Variants in ASIC2 observed in about 807,000 individuals in gnomAD.
ASIC2 encodes the protein acid sensing ion channel subunit 2.
A neutral mutation model predicts 57.3 loss-of-function variants in ASIC2; 25 were observed. That is an observed-to-expected ratio of 0.44 (90% confidence interval 0.32 to 0.61). ASIC2 has a LOEUF of 0.61. Ranked by LOEUF, ASIC2 falls within the 20% of genes least tolerant of loss-of-function variation. The pLI, the probability that ASIC2 is intolerant of heterozygous loss-of-function variation, is 0.06. For synonymous variants in ASIC2, 319 were observed against 307.5 expected, an observed-to-expected ratio of 1.04 and a Z score of -0.39; for missense variants, 641 against 738.1, an observed-to-expected ratio of 0.87 and a Z score of 1.52.
chr17:33,664,407 T>A (rs1907402920), intron 1 of ASIC2, among the ~76,000 whole-genome samples: 1 of 152,248 alleles, frequency 6.6e-6, no homozygotes, highest in African/African-American at 2.4e-5. Context: ...TTCGTGTGAT[T>A]CCTTGGCTTA....
intron 1 of ASIC2, among the ~76,000 whole-genome samples, chr17:33,482,726 C>T (rs1913446651): frequency 6.6e-6 from 1 of 152,156 alleles, no homozygotes; most frequent in Admixed American, 6.5e-5. Context: ...CAGCTGTGCC[C>T]TTGTTCTGCA....
intron 1 of ASIC2, among the ~76,000 whole-genome samples, chr17:34,027,885 A>T (rs1907437760): frequency 6.6e-6 from 1 of 152,180 alleles, no homozygotes; most frequent in South Asian, 2.1e-4. Context: ...TTTTGAAAGG[A>T]GGTACAGATT....
intron 1 of ASIC2, among the ~76,000 whole-genome samples, chr17:34,119,890 C>T (rs927661301): frequency 6.6e-6 from 1 of 152,156 alleles, no homozygotes; most frequent in Non-Finnish European, 1.5e-5. Context: ...GTATATTATC[C>T]AATTAATAGA....
At chr17:33,506,238 CAAAAAAAAA>C (rs533194191) in intron 1 of ASIC2, among the ~76,000 whole-genome samples, 2 of 114,138 alleles carry the variant, frequency 1.8e-5, no homozygotes, top group African/African-American at 3.2e-5. Context: ...ACTAAAAATA[CAAAAAAAAA>C]AAAAAAAAAG....
chr17:33,294,117 G>A (rs998748398), upstream of ASIC2, among the ~76,000 whole-genome samples: 11 of 152,118 alleles, frequency 7.2e-5, no homozygotes, highest in African/African-American at 2.4e-4. Context: ...GGTGGGAAGG[G>A]GGAGTAGGAC....
chr17:33,192,868 A>AT (rs921047648), intron 1 of ASIC2, among the ~76,000 whole-genome samples: 8 of 152,204 alleles, frequency 5.3e-5, no homozygotes, highest in Non-Finnish European at 8.8e-5. Flanking sequence ...AAAAATACAC[A>AT]TTTTTTTCCG....
intron 1 of ASIC2, among the ~76,000 whole-genome samples, chr17:34,026,996 A>G (rs1045659258): frequency 2.4e-4 from 36 of 152,338 alleles, no homozygotes; most frequent in African/African-American, 8.7e-4. Flanking sequence ...ATTTAACAAA[A>G]TTACCCAGGA....
chr17:33,436,849 ACTTC>A (rs1911627372), intron 1 of ASIC2, among the ~76,000 whole-genome samples: 1 of 76,394 alleles, frequency 1.3e-5, no homozygotes, highest in Non-Finnish European at 2.6e-5. Context: ...ACACATTCCA[ACTTC>A]TTTTTTTTTT....
At chr17:34,151,221 C>A (rs941111721) in intron 1 of ASIC2, among the ~76,000 whole-genome samples, 2 of 152,030 alleles carry the variant, frequency 1.3e-5, no homozygotes, top group Admixed American at 1.3e-4. Flanking sequence ...ATGCCTGGGT[C>A]ATGGTATTTC....
chr17:34,016,113 T>C (rs1234645687), intron 1 of ASIC2, among the ~76,000 whole-genome samples: 2 of 152,206 alleles, frequency 1.3e-5, no homozygotes, highest in African/African-American at 4.8e-5. Flanking sequence ...CATATGTATA[T>C]TCAGGATTAG....
At chr17:33,327,660 G>A (rs1907130816) in intron 1 of ASIC2, among the ~76,000 whole-genome samples, 1 of 152,142 alleles carries the variant, frequency 6.6e-6, no homozygotes, top group African/African-American at 2.4e-5. Context: ...AGAAATATAG[G>A]ATGCCAAAGT....
chr17:33,385,199 G>A (rs992894075), intron 1 of ASIC2, among the ~76,000 whole-genome samples: 1 of 152,194 alleles, frequency 6.6e-6, no homozygotes, highest in African/African-American at 2.4e-5. Flanking sequence ...CTAATACTCT[G>A]CTGTGAGTAT....
At chr17:33,574,826 G>T (rs904149215) in intron 1 of ASIC2, among the ~76,000 whole-genome samples, 6 of 150,502 alleles carry the variant, frequency 4.0e-5, no homozygotes, top group Admixed American at 4.0e-4. Context: ...TGTCTGAAGA[G>T]CTAGTTTGGG....
intron 3 of ASIC2, among the ~76,000 whole-genome samples, chr17:33,056,708 C>A (rs965156305): frequency 2.6e-5 from 4 of 152,144 alleles, no homozygotes; most frequent in Non-Finnish European, 5.9e-5. Context: ...AATTAATGAG[C>A]AGAATAGGCT....
intron 1 of ASIC2, among the ~76,000 whole-genome samples, chr17:33,483,557 G>A (rs549711130): frequency 3.3e-5 from 5 of 152,276 alleles, no homozygotes; most frequent in South Asian, 2.1e-4. Flanking sequence ...GCTCATACAC[G>A]TTACTAAACC....
chr17:33,935,219 A>G (rs1480385980), intron 1 of ASIC2, among the ~76,000 whole-genome samples: 1 of 152,118 alleles, frequency 6.6e-6, no homozygotes, highest in Non-Finnish European at 1.5e-5. Flanking sequence ...CAAACCTCCT[A>G]GTCATCCTTT....
At chr17:33,889,869 C>T (rs1441243272) in intron 1 of ASIC2, among the ~76,000 whole-genome samples, 3 of 152,312 alleles carry the variant, frequency 2.0e-5, no homozygotes, top group Non-Finnish European at 4.4e-5. Flanking sequence ...TTCTGGAGCT[C>T]ACCACCTCAT....
At chr17:33,055,233 C>T (rs2091993115) in intron 3 of ASIC2, among the ~76,000 whole-genome samples, 1 of 152,204 alleles carries the variant, frequency 6.6e-6, no homozygotes, top group Admixed American at 6.5e-5. Context: ...CCGATTTGGC[C>T]CTGATGGCTG....
chr17:33,294,306 C>T (rs774295429), upstream of ASIC2, among the ~76,000 whole-genome samples: 7 of 152,220 alleles, frequency 4.6e-5, no homozygotes, highest in African/African-American at 7.2e-5. Context: ...GGAAGAAGGA[C>T]CAACGTGTGT....
Sources: allele counts gnomAD v4.1 joint callset (sites outside exome capture counted in the v4.1 genomes callset), GRCh38; gene constraint gnomAD v4.1.1; transcripts MANE v1.5; gene names NCBI Gene and HGNC (gene_info 2026-07-23, HGNC 2026-07-21).